The following RBFOX1 variants were observed in gnomAD, a reference collection of about 807,000 sequenced individuals.
RBFOX1 encodes RNA binding fox-1 homolog 1, also known as RNA binding protein fox-1 homolog 1.
A neutral mutation model predicts 57.7 loss-of-function variants in RBFOX1; 8 were observed. The ratio of observed to expected loss-of-function variants is 0.14; its 90% confidence interval spans 0.08 to 0.25. The LOEUF (loss-of-function observed/expected upper bound fraction) is 0.25. Ranked by LOEUF, RBFOX1 falls within the 10% of genes least tolerant of loss-of-function variation. RBFOX1 has a pLI of 1.00. For synonymous variants in RBFOX1, 326 were observed against 222.4 expected (o/e 1.47, Z -4.15); for missense variants, 611 against 548.5 (o/e 1.11, Z -1.14).
intron 2 of RBFOX1, among the ~76,000 whole-genome samples, chr16:5,589,933 C>T (rs1359225050): frequency 6.6e-6 from 1 of 152,148 alleles, no homozygotes; most frequent in Admixed American, 6.5e-5. Flanking sequence ...GCCACTGGGC[C>T]ATGGTACCAG....
intron 3 of RBFOX1, among the ~76,000 whole-genome samples, chr16:5,670,925 G>C (rs2049995618): frequency 6.6e-6 from 1 of 152,204 alleles, no homozygotes; most frequent in South Asian, 2.1e-4. Context: ...TGCAGATGAA[G>C]ATATTGAGGC....
intron 2 of RBFOX1, chr16:6,483,618 G>T: frequency 7.1e-7 from 1 of 1,410,680 alleles, no homozygotes; most frequent in South Asian, 1.2e-5. Context: ...GGGAGGGAAG[G>T]GAGAGACCAG....
chr16:7,272,771 C>G (rs1231009203), intron 4 of RBFOX1, among the ~76,000 whole-genome samples: 1 of 152,130 alleles, frequency 6.6e-6, no homozygotes, highest in Non-Finnish European at 1.5e-5. Flanking sequence ...GGAGCATTCT[C>G]TTGCTTTGTA....
chr16:6,034,331 C>CAAAA (rs757260576), intron 1 of RBFOX1, among the ~76,000 whole-genome samples: 1,953 of 36,870 alleles, frequency 0.053, 357 homozygotes, highest in African/African-American at 0.12. Flanking sequence ...GACTGTTGCG[C>CAAAA]AAAAAAAAAA....
intron 1 of RBFOX1, among the ~76,000 whole-genome samples, chr16:6,110,195 C>CCT (rs5815284): frequency 7.8e-6 from 1 of 128,264 alleles, no homozygotes; most frequent in African/African-American, 2.9e-5. Context: ...TTTTCTTCTT[C>CCT]TTTTTTTTTT....
rs1597307265 is a variant in RBFOX1, at chr16:5,800,502, C to A, written c.319-66801C>A. Reference sequence around the variant, plus strand: ...GTGTGAGTAGACGGAGACTCCTCTGCTGGGCAATGGCAAGGGCTCTCCAGC... The same window carrying A: ...GTGTGAGTAGACGGAGACTCCTCTGATGGGCAATGGCAAGGGCTCTCCAGC... On this transcript the variant is annotated intron_variant, in intron 3 of 19. Transcript: ENST00000641259. Among the ~76,000 whole-genome samples, 5 of 152,224 alleles carry A rather than the reference C, an allele frequency of 3.3e-5. No individual in the cohort carries two copies. The South Asian group carries it at 1.0e-3, about 32-fold the overall frequency.
At chr16:7,211,264 C>A (rs1169247522) in intron 4 of RBFOX1, among the ~76,000 whole-genome samples, 1 of 151,464 alleles carries the variant, frequency 6.6e-6, no homozygotes, top group Non-Finnish European at 1.5e-5. Context: ...TGGTGGTGGG[C>A]CCCTGTAGTC....
At chr16:6,444,658 T>C (rs2094450209) in intron 2 of RBFOX1, among the ~76,000 whole-genome samples, 1 of 152,024 alleles carries the variant, frequency 6.6e-6, no homozygotes, top group African/African-American at 2.4e-5. Flanking sequence ...GTCTTGGGTA[T>C]GTCTTTATCA....
intron 1 of RBFOX1, among the ~76,000 whole-genome samples, chr16:6,269,131 C>T (rs888232205): frequency 5.3e-5 from 8 of 152,076 alleles, no homozygotes; most frequent in African/African-American, 1.9e-4. Flanking sequence ...CAACAATAAG[C>T]ATTAGTATGA....
At chr16:7,644,691 C>A (rs1040388786) in intron 11 of RBFOX1, among the ~76,000 whole-genome samples, 1 of 152,120 alleles carries the variant, frequency 6.6e-6, no homozygotes, top group Admixed American at 6.5e-5. Context: ...CAGTAGGGAC[C>A]AACATAGAGT....
intron 4 of RBFOX1, among the ~76,000 whole-genome samples, chr16:7,158,328 A>T (rs966668685): frequency 1.3e-5 from 2 of 152,184 alleles, no homozygotes; most frequent in Non-Finnish European, 2.9e-5. Context: ...CCTGGTCAAC[A>T]AGAGTGAACT....
chr16:6,047,448 C>T (rs1009025032), intron 1 of RBFOX1, among the ~76,000 whole-genome samples: 4 of 152,174 alleles, frequency 2.6e-5, no homozygotes, highest in Non-Finnish European at 4.4e-5. Flanking sequence ...ATTGTGTTCC[C>T]GAGGAAAGAG....
At chr16:5,999,888 A>T (rs2060561445) in intron 4 of RBFOX1, among the ~76,000 whole-genome samples, 1 of 79,078 alleles carries the variant, frequency 1.3e-5, no homozygotes, top group Non-Finnish European at 2.9e-5. Context: ...AAAAAAAAAA[A>T]AAAAAAAAAA....
chr16:7,352,782 C>T (rs2097151314), intron 4 of RBFOX1, among the ~76,000 whole-genome samples: 1 of 152,108 alleles, frequency 6.6e-6, no homozygotes, highest in Non-Finnish European at 1.5e-5. Context: ...GTGGTGCGAT[C>T]ATGGCTCACT....
intron 1 of RBFOX1, among the ~76,000 whole-genome samples, chr16:6,171,352 G>A (rs1398097773): frequency 1.3e-5 from 2 of 152,162 alleles, no homozygotes; most frequent in Non-Finnish European, 2.9e-5. Context: ...TGAGCATTTA[G>A]GTTGTTCTCA....
chr16:6,939,557 C>G (rs1420649705), intron 3 of RBFOX1, among the ~76,000 whole-genome samples: 1 of 147,750 alleles, frequency 6.8e-6, no homozygotes, highest in Non-Finnish European at 1.5e-5. Flanking sequence ...GTCATGCAGG[C>G]TGGAGTTCAG....
chr16:6,954,247 A>T (rs924786684), intron 3 of RBFOX1, among the ~76,000 whole-genome samples: 1 of 145,736 alleles, frequency 6.9e-6, no homozygotes, highest in South Asian at 2.2e-4. Context: ...TGAAGGTGCT[A>T]TGTAATAAAT....
intron 4 of RBFOX1, among the ~76,000 whole-genome samples, chr16:7,354,882 C>G (rs527994932): frequency 5.3e-5 from 8 of 152,304 alleles, no homozygotes; most frequent in African/African-American, 1.9e-4. Flanking sequence ...CTGGACAGCT[C>G]TATGCTAAAA....
chr16:6,654,904 C>G (rs2098635806), intron 3 of RBFOX1, among the ~76,000 whole-genome samples: 1 of 152,024 alleles, frequency 6.6e-6, no homozygotes, highest in African/African-American at 2.4e-5. Flanking sequence ...CTGTTTCAGT[C>G]ATACCCTTCT....
Sources: gnomAD v4.1 joint callset for allele counts (sites outside exome capture counted in the v4.1 genomes callset) on GRCh38, gnomAD v4.1.1 for gene constraint, MANE v1.5 for transcripts, NCBI Gene and HGNC (gene_info 2026-07-23, HGNC 2026-07-21) for gene names.